MAP1B: variants seen among roughly 807,000 people sequenced by gnomAD.
MAP1B encodes the protein microtubule-associated protein 1B.
Under a neutral mutation model 176.1 loss-of-function variants are expected in MAP1B, and 12 were observed. That is an observed-to-expected ratio of 0.07 (90% CI 0.04 to 0.11). The LOEUF is 0.11. Among genes scored for constraint, MAP1B ranks in the 10% least tolerant of loss-of-function variants. The pLI is 1.00. For missense variants in MAP1B, 2,523 were observed against 2,990.5 expected (o/e 0.84, Z 3.65); for synonymous variants, 1,044 against 1,135.0 (o/e 0.92, Z 1.61).
rs931808056 is a variant in MAP1B at position 72,158,100 on chromosome 5, C to T, written c.287-25643C>T. 5.3e-5 allele frequency among the ~76,000 whole-genome samples: 8 copies of T among 151,242 alleles called. No individual in the cohort carries two copies. In the East Asian group the frequency reaches 1.4e-3, roughly 26 times the overall value. On this transcript the variant is annotated intron_variant, in intron 2 of 6. Coordinates refer to ENST00000296755, the MANE Select transcript of MAP1B (RefSeq NM_005909.5). ...TCAGCTCACTGCAGGCTCCGCCCCC[C>T]GGGGTTCACGCCATTCTCCTGCCTC...
At position 72,207,958 on chromosome 5, in the gene MAP1B, CTCTCTTTT is replaced by C. The variant is rs1747488221; in HGVS notation, c.*2721_*2728del. 7.2e-6 allele frequency: 1 copy of C among 138,884 alleles called. No homozygotes were observed. The highest frequency in any genetic ancestry group is 1.6e-5 in the Non-Finnish European group (1 of 63,810). The allele number at this position is 138,884 out of a possible 1,614,324, so 8.6% of individuals were successfully genotyped here. A position where few individuals can be genotyped will look rare whatever the true frequency, so the allele number is the denominator to read the frequency against. Reference sequence around the variant, plus strand: ...CACCCTCCTCACTTTCTCTCTCTCTCTCTCTTTTTTTTTTTTTTTTTTTTTGCTATGGG... The same window carrying C: ...CACCCTCCTCACTTTCTCTCTCTCTCTTTTTTTTTTTTTTTTTGCTATGGG... On this transcript the variant is annotated 3_prime_UTR_variant, in exon 7 of 7. Transcript: ENST00000296755.
chr5:72,185,507 T>C (rs1014996109), intron 3 of MAP1B, among the ~76,000 whole-genome samples: 1 of 151,738 alleles, frequency 6.6e-6, no homozygotes, highest in Admixed American at 6.6e-5. Context: ...AGATGGAGGA[T>C]TGTTTGAACC....
intron 2 of MAP1B, chr5:72,179,805 T>C (rs1746729502): frequency 2.5e-5 from 25 of 985,354 alleles, no homozygotes; most frequent in Non-Finnish European, 3.0e-5. Flanking sequence ...TTGGTGCACG[T>C]CTGTGCCATT....
At chr5:72,200,690 G>A (rs1187696305) in intron 5 of MAP1B, among the ~76,000 whole-genome samples, 1 of 152,088 alleles carries the variant, frequency 6.6e-6, no homozygotes, top group African/African-American at 2.4e-5. Context: ...GGTGCTTCTG[G>A]AAGACTGGTT....
At chr5:72,117,552 C>A (rs1255238611) in intron 2 of MAP1B, among the ~76,000 whole-genome samples, 2 of 152,184 alleles carry the variant, frequency 1.3e-5, no homozygotes, top group East Asian at 3.8e-4. Flanking sequence ...AGACCCAAGA[C>A]CTAGTATTGC....
At chr5:72,166,534 C>G (rs1746433012) in intron 2 of MAP1B, among the ~76,000 whole-genome samples, 1 of 152,186 alleles carries the variant, frequency 6.6e-6, no homozygotes, top group Non-Finnish European at 1.5e-5. Flanking sequence ...AGCAGCTTCC[C>G]AGCACTCAGA....
At chr5:72,177,353 G>A (rs1053592115) in intron 2 of MAP1B, among the ~76,000 whole-genome samples, 1 of 147,948 alleles carries the variant, frequency 6.8e-6, no homozygotes, top group Non-Finnish European at 1.5e-5. Flanking sequence ...TCTGTTTTTC[G>A]TGCTTAGAAA....
In MAP1B at chr5:72,196,479, G is replaced by A; in HGVS notation, c.3124G>A (p.Glu1042Lys). Reference protein sequence around the residue: ...EEYEPEKMEAEDYVMAVVDKA... With the variant: ...EEYEPEKMEAKDYVMAVVDKA... ...ATATGAGCCGGAAAAAATGGAAGCT[G>A]AAGACTATGTGATGGCTGTGGTCGA... Residue 1042 changes from glutamate to lysine, a missense_variant, in exon 5 of 7, where the codon GAA (glutamate) becomes AAA (lysine). Around this residue, in one of 4 missense-constraint regions of MAP1B, gnomAD observed 1,925 missense variants for 2,126.0 expected, o/e 0.91. Coordinates refer to ENST00000296755, the MANE Select transcript of MAP1B (RefSeq NM_005909.5). This position sits in a 1 kb window ranked among gnomAD's most constrained non-coding sequence, Gnocchi z 5.3. 2 of 1,613,842 alleles carry A rather than the reference G, an allele frequency of 1.2e-6. No homozygotes were observed. The highest frequency in any genetic ancestry group is 1.7e-6 in the Non-Finnish European group (2 of 1,180,038).
chr5:72,131,518 A>G (rs1435202280), intron 2 of MAP1B, among the ~76,000 whole-genome samples: 1 of 152,208 alleles, frequency 6.6e-6, no homozygotes, highest in Non-Finnish European at 1.5e-5. Flanking sequence ...AGATATTCTT[A>G]TAAGGATTCC....
chr5:72,191,581 C>T (rs939980085), intron 4 of MAP1B, among the ~76,000 whole-genome samples: 1 of 152,236 alleles, frequency 6.6e-6, no homozygotes, highest in African/African-American at 2.4e-5. Context: ...TCCTCCTCCT[C>T]CCTCTGCCCA....
rs746693302 is a variant in MAP1B at position 72,197,365 on chromosome 5, A to G, written c.4010A>G (p.Tyr1337Cys). Reference sequence around the variant, plus strand: ...GGCAGTGCTGGTCACACACCTTACTATCAATCTCCTACTGACGAGAAATCC... The same window carrying G: ...GGCAGTGCTGGTCACACACCTTACTGTCAATCTCCTACTGACGAGAAATCC... ...VTGSAGHTPY[Y>C]QSPTDEKSSH... Residue 1337 changes from tyrosine (Y) to cysteine (C), a missense_variant, in exon 5 of 7, where the codon TAT becomes TGT. Transcript: ENST00000296755. 33 of 1,614,224 alleles carry G rather than the reference A, an allele frequency of 2.0e-5. No individual in the cohort carries two copies. Among genetic ancestry groups the G allele is most frequent in the Middle Eastern group, 1.6e-4 (1 of 6,062 alleles).
intron 2 of MAP1B, among the ~76,000 whole-genome samples, chr5:72,151,300 G>A (rs1746135528): frequency 6.6e-6 from 1 of 152,058 alleles, no homozygotes. Context: ...CCATTCATGA[G>A]GGATCTGCCC....
chr5:72,187,089 A>G (rs1426049141), intron 4 of MAP1B, among the ~76,000 whole-genome samples: 1 of 152,212 alleles, frequency 6.6e-6, no homozygotes, highest in Admixed American at 6.5e-5. Flanking sequence ...TTTCTGAAAT[A>G]ATACTCCAAA....
Position 72,209,401 on chromosome 5 carries a change from TCTATC to T in MAP1B, c.*4169_*4173del, listed in dbSNP as rs1188179925. On this transcript the variant is annotated 3_prime_UTR_variant, in exon 7 of 7. Transcript: ENST00000296755. ...TTATGTCTTATAATCCTGCATCACT[TCTATC>T]CTATCCAGTCATATCTAATGTAGAA... The T allele has an allele frequency of 6.6e-6, 1 of 152,220 alleles. No individual in the cohort carries two copies. The highest frequency in any genetic ancestry group is 2.4e-5 in the African/African-American group (1 of 41,454). The allele number at this position is 152,220 out of a possible 1,614,324, so 9.4% of individuals were successfully genotyped here.
intron 2 of MAP1B, among the ~76,000 whole-genome samples, chr5:72,142,676 GA>G (rs1426819018): frequency 1.3e-5 from 2 of 150,446 alleles, no homozygotes; most frequent in African/African-American, 2.4e-5. Flanking sequence ...TTTTTTTCAG[GA>G]AAAAAAGTGC....
chr5:72,193,438 TAAC>T (rs1747072660), intron 4 of MAP1B: 1 of 312,586 alleles, frequency 3.2e-6, no homozygotes, highest in African/African-American at 2.2e-5. Flanking sequence ...TGTGATAGTT[TAAC>T]GTTTTTTTTT....
intron 4 of MAP1B, among the ~76,000 whole-genome samples, chr5:72,192,333 T>C (rs1172635044): frequency 6.6e-6 from 1 of 152,248 alleles, no homozygotes; most frequent in African/African-American, 2.4e-5. Context: ...TATTACCATT[T>C]GCTTTTTCAC....
intron 2 of MAP1B, among the ~76,000 whole-genome samples, chr5:72,132,407 C>T (rs1186978107): frequency 2.0e-5 from 3 of 152,150 alleles, no homozygotes; most frequent in Non-Finnish European, 4.4e-5. Flanking sequence ...TGATTTCAGC[C>T]TTAAGAATAT....
intron 2 of MAP1B, among the ~76,000 whole-genome samples, chr5:72,134,933 T>C (rs1227911938): frequency 1.3e-5 from 2 of 148,684 alleles, no homozygotes; most frequent in African/African-American, 2.5e-5. Flanking sequence ...TGTCTCAGGG[T>C]AAGGCTCTTA....
Sources: allele counts gnomAD v4.1 joint callset (sites outside exome capture counted in the v4.1 genomes callset), GRCh38; gene constraint gnomAD v4.1.1; regional missense constraint gnomAD v4.1.1; non-coding constraint Gnocchi (gnomAD v3.1); transcripts MANE v1.5; gene names NCBI Gene and HGNC (gene_info 2026-07-23, HGNC 2026-07-21).